The following SIRPB2 variants were observed in gnomAD, a reference collection of about 807,000 sequenced individuals.
SIRPB2 encodes signal regulatory protein beta 2, also known as signal-regulatory protein beta-2.
SIRPB2 carries 18 observed loss-of-function variants against 27.1 expected under a neutral mutation model. That is an observed-to-expected ratio of 0.66 (90% CI 0.46 to 0.98). The LOEUF is 0.98. Ranked by LOEUF, SIRPB2 falls within the 50% of genes least tolerant of loss-of-function variation. SIRPB2 has a pLI of 0.00. For synonymous variants in SIRPB2, 150 were observed against 164.6 expected (o/e 0.91, Z 0.68); for missense variants, 420 against 417.4 (o/e 1.01, Z -0.06).
chr20:1,478,240 G>T (rs758328205), intron 3 of SIRPB2, 26 bp downstream of exon 3: 4 of 1,600,890 alleles, frequency 2.5e-6, no homozygotes, highest in South Asian at 1.1e-5. Flanking sequence ...CCGCTCTCCC[G>T]ACAAGTCCAA....
In SIRPB2 at chr20:1,475,801, G is replaced by C; in HGVS notation, c.*366C>G. The C allele has an allele frequency of 4.9e-6, 1 of 202,420 alleles. No homozygotes were observed. The highest frequency in any genetic ancestry group is 1.0e-5 in the Non-Finnish European group (1 of 100,430). 12.5% of individuals were successfully genotyped at this position (202,420 alleles called of 1,614,324 possible). On this transcript the variant is annotated 3_prime_UTR_variant, in exon 5 of 5. Coordinates refer to ENST00000359801, the MANE Select transcript of SIRPB2 (RefSeq NM_001122962.2). ...CTGGTTGAGTTCAGAGATTCTTACA[G>C]ACATCTCCTGGGAAGAAGACTCTGA...
rs1361675062 is a variant in SIRPB2 at position 1,479,823 on chromosome 20, A to G, written c.328T>C (p.Tyr110His). 1.2e-6 allele frequency: 2 copies of G among 1,614,136 alleles called. No individual in the cohort carries two copies. Among genetic ancestry groups the G allele is most frequent in the Non-Finnish European group, 1.7e-6 (2 of 1,180,052 alleles). ...GTGACATTGTGGATATAGATGGAAT[A>G]ATCACAATTCAGTGGTTCTGATGTC... ...QRTSEPLNCDYSIYIHNVTRE... is the reference protein window; with the variant it reads ...QRTSEPLNCDHSIYIHNVTRE... Residue 110 changes from tyrosine (Y) to histidine (H), a missense_variant, in exon 2 of 5, where the codon TAT becomes CAT. Physicochemically the swap from Tyr to His is moderately conservative, Grantham distance 83. Transcript: ENST00000359801.
rs768245616 is a variant in SIRPB2 at position 1,478,370 on chromosome 20, T to C, written c.689A>G (p.Gln230Arg). Residue 230 changes from glutamine to arginine, a missense_variant, in exon 3 of 5, where the codon CAA (glutamine) becomes CGA (arginine). By Grantham distance (43) the Gln-to-Arg change is conservative. Coordinates refer to ENST00000359801, the MANE Select transcript of SIRPB2 (RefSeq NM_001122962.2). ...ASNNDFSILL[Q>R]NVSSEDAGTY... Reference sequence around the variant, plus strand: ...GCCTGCATCCTCACTGGAGACGTTTTGCAGAAGAATGCTGAAGTCATTGTT... The same window carrying C: ...GCCTGCATCCTCACTGGAGACGTTTCGCAGAAGAATGCTGAAGTCATTGTT... The C allele has an allele frequency of 6.2e-7, 1 of 1,614,236 alleles. No individual in the cohort carries two copies. The highest frequency in any genetic ancestry group is 8.5e-7 in the Non-Finnish European group (1 of 1,180,044).
chr20:1,490,586 A>C (rs966804017), intron 1 of SIRPB2, among the ~76,000 whole-genome samples: 1 of 152,220 alleles, frequency 6.6e-6, no homozygotes, highest in Non-Finnish European at 1.5e-5. Flanking sequence ...TTGTTATGCC[A>C]GGCACTTATG....
At chr20:1,489,718 T>C (rs1342001872) in intron 1 of SIRPB2, among the ~76,000 whole-genome samples, 4 of 152,106 alleles carry the variant, frequency 2.6e-5, no homozygotes, top group Non-Finnish European at 2.9e-5. Flanking sequence ...TTTAAAAGCC[T>C]TATAGAAAAT....
chr20:1,480,717 C>A (rs1703808896), intron 1 of SIRPB2, among the ~76,000 whole-genome samples: 1 of 152,156 alleles, frequency 6.6e-6, no homozygotes, highest in African/African-American at 2.4e-5. Context: ...CAGTTTCCAG[C>A]CTCCAGAATT....
intron 2 of SIRPB2, 173 bp downstream of exon 2, chr20:1,479,527 G>T: frequency 1.0e-6 from 1 of 1,004,056 alleles, no homozygotes; most frequent in Non-Finnish European, 1.5e-6. Context: ...TCTGGCATGA[G>T]ACATGAGGAG....
downstream of SIRPB2, among the ~76,000 whole-genome samples, chr20:1,471,914 G>A (rs1818702761): frequency 6.6e-6 from 1 of 152,224 alleles, no homozygotes; most frequent in African/African-American, 2.4e-5. Context: ...GACTTTGGCA[G>A]CCTTGATGGG....
chr20:1,478,333 A>G lies in SIRPB2; in HGVS notation c.726T>C (p.Cys242=). The G allele has an allele frequency of 6.2e-7, 1 of 1,614,184 alleles. No homozygotes were observed. The highest frequency in any genetic ancestry group is 8.5e-7 in the Non-Finnish European group (1 of 1,180,044). Residue 242 remains cysteine (C), a synonymous_variant, in exon 3 of 5, where the codon TGT becomes TGC. Coordinates refer to ENST00000359801, the MANE Select transcript of SIRPB2 (RefSeq NM_001122962.2). ...VSSEDAGTYY[C]VKFQRKPNRQ... ...TGTTGGGTTTCCTCTGAAACTTTACACAGTAATAGGTGCCTGCATCCTCAC... is the reference window on the plus strand; with the variant it reads ...TGTTGGGTTTCCTCTGAAACTTTACGCAGTAATAGGTGCCTGCATCCTCAC...
At chr20:1,479,367 C>T (rs141115600) in intron 2 of SIRPB2, 43 of 335,024 alleles carry the variant, frequency 1.3e-4, no homozygotes, top group African/African-American at 8.4e-4. Flanking sequence ...TGGAGCTGAG[C>T]CATGTGACTT....
chr20:1,481,956 G>A (rs1294076670), intron 1 of SIRPB2, among the ~76,000 whole-genome samples: 1 of 152,120 alleles, frequency 6.6e-6, no homozygotes, highest in Non-Finnish European at 1.5e-5. Context: ...CAGCCAAACT[G>A]GTAAAACCCA....
chr20:1,473,392 ACACACGCACACACACGTG>A (rs1424609461), downstream of SIRPB2: 1 of 158,804 alleles, frequency 6.3e-6, no homozygotes, highest in Non-Finnish European at 1.4e-5. Context: ...ACACACGCAC[ACACACGCACACACACGTG>A]CACACGCAGG....
chr20:1,480,190 T>C, intron 1 of SIRPB2, 125 bp from the exon 2 acceptor site: 1 of 1,303,416 alleles, frequency 7.7e-7, no homozygotes, highest in Non-Finnish European at 1.0e-6. Flanking sequence ...AGGAGTGTCA[T>C]TAGACAGGGA....
chr20:1,477,436 T>C, intron 3 of SIRPB2, 33 bp from the exon 4 acceptor site: 3 of 1,583,546 alleles, frequency 1.9e-6, no homozygotes, highest in Non-Finnish European at 2.6e-6. Flanking sequence ...CATACTTCCC[T>C]TTATCTTTAT....
At position 1,479,719 on chromosome 20, in the gene SIRPB2, G is replaced by A. The variant is rs759437805; in HGVS notation, c.432C>T (p.Gly144=). Residue 144 remains glycine, a synonymous_variant, in exon 2 of 5, where the codon GGC becomes GGT. Coordinates refer to ENST00000359801, the MANE Select transcript of SIRPB2 (RefSeq NM_001122962.2). ...CCTTACCCTTCACAAGCACTGAGGT[G>A]CCTTCATCCGATTTCATTTCTGAGT... ...SEHSEMKSDE[G]TSVLVKGAGD... is the part of the protein sequence containing the mutation. 1.2e-6 allele frequency: 2 copies of A among 1,614,050 alleles called. No individual in the cohort carries two copies. The highest frequency in any genetic ancestry group is 3.3e-5 in the Admixed American group (2 of 60,004).
intron 1 of SIRPB2, among the ~76,000 whole-genome samples, chr20:1,486,782 C>A (rs2090731208): frequency 6.6e-6 from 1 of 152,166 alleles, no homozygotes; most frequent in Non-Finnish European, 1.5e-5. Context: ...CTTGAACATG[C>A]ATTCCTAATA....
At chr20:1,482,769 A>ATT (rs151295421) in intron 1 of SIRPB2, among the ~76,000 whole-genome samples, 8,885 of 150,344 alleles carry the variant, frequency 0.059, 672 homozygotes, top group African/African-American at 0.18. Context: ...TGATTTCATT[A>ATT]TTTTTTTTTC....
At chr20:1,490,265 G>T (rs974718582) in intron 1 of SIRPB2, among the ~76,000 whole-genome samples, 1 of 152,094 alleles carries the variant, frequency 6.6e-6, no homozygotes, top group Non-Finnish European at 1.5e-5. Flanking sequence ...AATGAGTAAG[G>T]GAGCACCTAG....
chr20:1,477,269 T>A, intron 4 of SIRPB2, 69 bp downstream of exon 4: 1 of 1,614,132 alleles, frequency 6.2e-7, no homozygotes, highest in Non-Finnish European at 8.5e-7. Flanking sequence ...TCCCTTCCCA[T>A]GACCAAGCCA....
Sources: allele counts gnomAD v4.1 joint callset (sites outside exome capture counted in the v4.1 genomes callset), GRCh38; gene constraint gnomAD v4.1.1; transcripts MANE v1.5; gene names NCBI Gene and HGNC (gene_info 2026-07-23, HGNC 2026-07-21).